FAT4: variants seen among roughly 807,000 people sequenced by gnomAD.
FAT4 encodes the protein FAT atypical cadherin 4, also known as protocadherin Fat 4.
A neutral mutation model predicts 303.9 loss-of-function variants in FAT4; 84 were observed. That is an observed-to-expected ratio of 0.28 (90% CI 0.23 to 0.33). FAT4 has a LOEUF of 0.33. Among genes scored for constraint, FAT4 ranks in the 10% least tolerant of loss-of-function variants. The pLI is 1.00. For missense variants in FAT4, 6,005 were observed against 6,146.8 expected, an observed-to-expected ratio of 0.98 and a Z score of 0.77; for synonymous variants, 2,307 against 2,298.8, an observed-to-expected ratio of 1.00 and a Z score of -0.10.
chr4:125,371,926 A>C (rs1030681538), intron 2 of FAT4, among the ~76,000 whole-genome samples: 1 of 152,124 alleles, frequency 6.6e-6, no homozygotes, highest in Non-Finnish European at 1.5e-5. Context: ...GGTGGGAATC[A>C]CATACTCATT....
At chr4:125,333,201 T>C (rs979491506) in intron 2 of FAT4, among the ~76,000 whole-genome samples, 20 of 152,020 alleles carry the variant, frequency 1.3e-4, no homozygotes, top group African/African-American at 3.9e-4. Flanking sequence ...AAAGGCCAAG[T>C]CAAGCAGAGA....
chr4:125,380,014 C>A (rs1733480094), intron 2 of FAT4, among the ~76,000 whole-genome samples: 1 of 152,090 alleles, frequency 6.6e-6, no homozygotes, highest in Non-Finnish European at 1.5e-5. Flanking sequence ...CTGCCTCAGC[C>A]TCCTGAGTAG....
chr4:125,407,150 T>C lies in FAT4; in HGVS notation c.5569+9T>C. 2 of 1,607,182 alleles carry C rather than the reference T, an allele frequency of 1.2e-6. No individual in the cohort carries two copies. The highest frequency in any genetic ancestry group is 1.7e-6 in the Non-Finnish European group (2 of 1,174,506). On this transcript the variant is annotated intron_variant, in intron 4 of 17. Transcript: ENST00000394329. ...TGAGGACACAATCCCTGGTAGGTGA[T>C]GGGTCTCTTATGTGTATTTTGCAAG...
intron 5 of FAT4, among the ~76,000 whole-genome samples, chr4:125,409,485 A>G (rs1017949781): frequency 2.0e-5 from 3 of 152,084 alleles, no homozygotes; most frequent in Non-Finnish European, 4.4e-5. Flanking sequence ...CCAACTCCTG[A>G]CCTCAGATGA....
In FAT4 at chr4:125,450,034, A is replaced by T; in HGVS notation, c.9024A>T (p.Thr3008=). The T allele has an allele frequency of 6.2e-7, 1 of 1,614,018 alleles. No individual in the cohort carries two copies. Among genetic ancestry groups the T allele is most frequent in the Non-Finnish European group, 8.5e-7 (1 of 1,179,966 alleles). The change falls in exon 10 of 18, where the codon ACA becomes ACT. Residue 3008 remains threonine, a synonymous_variant. Coordinates refer to ENST00000394329, the MANE Select transcript of FAT4 (RefSeq NM_001291303.3). ...TTGGTACGAAGTTAATCAGAGTTAC[A>T]GCAATAGATGACAAAGATTTTGGAC... ...VKVGTKLIRV[T]AIDDKDFGLN... is the part of the protein sequence containing the mutation.
rs1734986736 is a variant in FAT4 at position 125,414,987 on chromosome 4, G to A, written c.6024G>A (p.Arg2008=). The change falls in exon 6 of 18, where the codon CGG becomes CGA. Residue 2008 remains arginine (R), a synonymous_variant. Transcript: ENST00000394329. ...TCAAAGTCCTAAAAGCTTTGGATCG[G>A]GAAAGTCAGTCCTTCTACAACTTGG... ...GVLKVLKALD[R]ESQSFYNLVV... 2 of 1,613,824 alleles carry A rather than the reference G, an allele frequency of 1.2e-6. No individual in the cohort carries two copies. The highest frequency in any genetic ancestry group is 1.7e-6 in the Non-Finnish European group (2 of 1,179,932).
intron 2 of FAT4, among the ~76,000 whole-genome samples, chr4:125,363,896 G>A (rs12513054): frequency 0.031 from 4,753 of 152,132 alleles, 248 homozygotes; most frequent in Admixed American, 0.13. Flanking sequence ...TTGCAGAAAG[G>A]CTTACTTAAT....
intron 2 of FAT4, among the ~76,000 whole-genome samples, chr4:125,348,142 T>C (rs2125975251): frequency 6.6e-6 from 1 of 151,480 alleles, no homozygotes; most frequent in East Asian, 2.0e-4. Flanking sequence ...AAAACAATGA[T>C]GTTAATATTT....
At chr4:125,379,290 A>G (rs902174949) in intron 2 of FAT4, among the ~76,000 whole-genome samples, 1 of 151,524 alleles carries the variant, frequency 6.6e-6, no homozygotes, top group African/African-American at 2.4e-5. Context: ...AACTGAGAAG[A>G]TTATTTTCCT....
At position 125,450,659 on chromosome 4, in the gene FAT4, C is replaced by T. The variant is rs73849225; in HGVS notation, c.9649C>T (p.His3217Tyr). The change falls in exon 10 of 18, where the codon CAC (histidine) becomes TAC (tyrosine). Residue 3217 changes from histidine to tyrosine, a missense_variant. His to Tyr is a moderately conservative substitution (Grantham distance 83). Coordinates refer to ENST00000394329, the MANE Select transcript of FAT4 (RefSeq NM_001291303.3). ...TGCCCCAAGTGGAACAACAGTTATC[C>T]ACCTAAATGCAACAGATGCTGACTC... Reference protein sequence around the residue: ...ENAPSGTTVIHLNATDADSGT... With the variant: ...ENAPSGTTVIYLNATDADSGT... 0.075 allele frequency: 121,267 copies of T among 1,613,818 alleles called. 6,211 individuals carry two copies. Among genetic ancestry groups the T allele is most frequent in the African/African-American group, 0.26 (19,820 of 74,894 alleles).
At chr4:125,369,569 G>A (rs1047129707) in intron 2 of FAT4, among the ~76,000 whole-genome samples, 1 of 152,182 alleles carries the variant, frequency 6.6e-6, no homozygotes, top group Non-Finnish European at 1.5e-5. Flanking sequence ...AATGAAAATG[G>A]CTAAAGTCTG....
At chr4:125,443,199 A>G (rs1725718457) in intron 8 of FAT4, among the ~76,000 whole-genome samples, 1 of 152,186 alleles carries the variant, frequency 6.6e-6, no homozygotes, top group Non-Finnish European at 1.5e-5. Flanking sequence ...TTAACTTTAC[A>G]AAAGCAATAG....
chr4:125,317,005 G>A lies in FAT4; in HGVS notation c.594G>A (p.Ala198=). The change falls in exon 2 of 18, where the codon GCG becomes GCA. Residue 198 remains alanine (A), a synonymous_variant. Transcript: ENST00000394329. This position sits in a 1 kb window ranked among gnomAD's most constrained non-coding sequence, Gnocchi z 7.0. Reference sequence around the variant, plus strand: ...CCCTGAACCCGAGCGGCGAGGGAGCGTTCCTGCATCTGGTGTCCAAGGGCG... The same window carrying A: ...CCCTGAACCCGAGCGGCGAGGGAGCATTCCTGCATCTGGTGTCCAAGGGCG... ...DITLNPSGEG[A]FLHLVSKGGL... 1 of 1,614,070 alleles carries A rather than the reference G, an allele frequency of 6.2e-7. No homozygotes were observed. Among genetic ancestry groups the A allele is most frequent in the Non-Finnish European group, 8.5e-7 (1 of 1,180,026 alleles).
chr4:125,438,375 A>T (rs1220177443), intron 8 of FAT4, among the ~76,000 whole-genome samples: 1 of 152,112 alleles, frequency 6.6e-6, no homozygotes, highest in Non-Finnish European at 1.5e-5. Flanking sequence ...GAAAAATTGT[A>T]TTCATACTCT....
intron 2 of FAT4, among the ~76,000 whole-genome samples, chr4:125,349,667 A>C (rs1732146437): frequency 6.6e-6 from 1 of 151,754 alleles, no homozygotes; most frequent in Non-Finnish European, 1.5e-5. Flanking sequence ...CCCACTTTTA[A>C]ATATACCAAT....
At chr4:125,405,101 A>C (rs1203531149) in intron 3 of FAT4, among the ~76,000 whole-genome samples, 1 of 152,030 alleles carries the variant, frequency 6.6e-6, no homozygotes, top group Non-Finnish European at 1.5e-5. Context: ...TTTCCTTTGA[A>C]CATCATATTG....
chr4:125,444,763 A>T (rs553113600), intron 8 of FAT4, among the ~76,000 whole-genome samples: 1 of 152,250 alleles, frequency 6.6e-6, no homozygotes, highest in East Asian at 1.9e-4. Flanking sequence ...AAACTAAAAA[A>T]GTTTATGGCA....
chr4:125,347,184 CAT>C (rs1732036899), intron 2 of FAT4, among the ~76,000 whole-genome samples: 1 of 150,554 alleles, frequency 6.6e-6, no homozygotes, highest in Admixed American at 6.7e-5. Context: ...TATTACCAAT[CAT>C]ATGTTATAAA....
intron 14 of FAT4, among the ~76,000 whole-genome samples, chr4:125,478,331 C>T (rs1444351872): frequency 1.3e-5 from 2 of 152,142 alleles, no homozygotes; most frequent in South Asian, 2.1e-4. Flanking sequence ...GGGATTGCCA[C>T]CATTGTTAAT....
Sources: gnomAD v4.1 joint callset for allele counts (sites outside exome capture counted in the v4.1 genomes callset) on GRCh38, gnomAD v4.1.1 for gene constraint, Gnocchi (gnomAD v3.1) non-coding constraint, MANE v1.5 for transcripts, NCBI Gene and HGNC (gene_info 2026-07-23, HGNC 2026-07-21) for gene names.